PLCB4: variants seen among roughly 807,000 people sequenced by gnomAD.
PLCB4 encodes 1-phosphatidylinositol 4,5-bisphosphate phosphodiesterase beta-4.
Under a neutral mutation model 178.8 loss-of-function variants are expected in PLCB4, and 77 were observed. The observed-to-expected ratio is 0.43, with a 90% CI of 0.36 to 0.52. The LOEUF is 0.52. PLCB4 is among the 20% of genes least tolerant of loss of function. PLCB4 has a pLI of 0.00. For missense variants in PLCB4, 1,024 were observed against 1,453.4 expected (o/e 0.70, Z 4.80); for synonymous variants, 496 against 490.8 (o/e 1.01, Z -0.14).
At chr20:9,424,800 G>T (rs1309283676) in intron 28 of PLCB4, among the ~76,000 whole-genome samples, 1 of 152,146 alleles carries the variant, frequency 6.6e-6, no homozygotes, top group African/African-American at 2.4e-5. Context: ...ATGGGGGTGG[G>T]CGGGGTGTCT....
rs552465661 is a variant in PLCB4 at position 9,477,762 on chromosome 20, C to T, written c.3532+1009C>T. 4.6e-5 allele frequency among the ~76,000 whole-genome samples: 7 copies of T among 152,158 alleles called. 1 individual carries two copies. The highest frequency in any genetic ancestry group is 2.1e-4 in the South Asian group (1 of 4,812). ...CCATCCTCACCAAAATGAAGCTTAACGCCAAAATATAGAAGTAAGAAGAAG... is the reference window on the plus strand; with the variant it reads ...CCATCCTCACCAAAATGAAGCTTAATGCCAAAATATAGAAGTAAGAAGAAG... On this transcript the variant is annotated intron_variant, in intron 39 of 39. Transcript: ENST00000378473.
At chr20:9,260,862 C>G (rs961352301) in intron 3 of PLCB4, among the ~76,000 whole-genome samples, 1 of 151,864 alleles carries the variant, frequency 6.6e-6, no homozygotes, top group Non-Finnish European at 1.5e-5. Context: ...TGTTCTAGCC[C>G]CGGAGACTAT....
At chr20:9,250,009 C>CA (rs2094163843) in intron 3 of PLCB4, among the ~76,000 whole-genome samples, 1 of 152,170 alleles carries the variant, frequency 6.6e-6, no homozygotes, top group Non-Finnish European at 1.5e-5. Flanking sequence ...CAGAAATTGA[C>CA]AGACTATTAT....
intron 3 of PLCB4, among the ~76,000 whole-genome samples, chr20:9,285,820 G>A (rs1363575387): frequency 4.6e-5 from 7 of 152,032 alleles, no homozygotes; most frequent in Admixed American, 1.3e-4. Flanking sequence ...AGCCAGACCA[G>A]GGTCAAGGCC....
chr20:9,308,266 T>C (rs1377340638), intron 4 of PLCB4, among the ~76,000 whole-genome samples: 1 of 152,232 alleles, frequency 6.6e-6, no homozygotes, highest in Non-Finnish European at 1.5e-5. Flanking sequence ...TTTGTATGTG[T>C]TATAAATGTA....
rs528637538 is a variant in PLCB4, at chr20:9,380,106, A to G, written c.797A>G (p.Lys266Arg). 4 of 1,600,310 alleles carry G rather than the reference A, an allele frequency of 2.5e-6. No individual in the cohort carries two copies. The East Asian group carries it at 6.7e-5, about 27-fold the overall frequency. Residue 266 changes from lysine (K) to arginine (R), a missense_variant, in exon 13 of 40, where the codon AAA becomes AGA. Lys to Arg is a conservative substitution (Grantham distance 26, BLOSUM62 2). This residue lies in a region of PLCB4 where 37 missense variants were observed against 28.6 expected (regional missense o/e 1.30). Transcript: ENST00000378473. ...NEILFPFYDA[K>R]RAMQIIEMYE... ...ATTTTATTTCCATTTTATGATGCCA[A>G]AAGGGCAATGCAGATCATTGAGATG...
intron 2 of PLCB4, among the ~76,000 whole-genome samples, chr20:9,115,645 T>C (rs2091755205): frequency 6.9e-6 from 1 of 145,140 alleles, no homozygotes; most frequent in African/African-American, 2.5e-5. Flanking sequence ...GTTCTCATTG[T>C]TCAATTCCCT....
At chr20:9,123,404 C>G (rs76555928) in intron 2 of PLCB4, among the ~76,000 whole-genome samples, 1 of 136,522 alleles carries the variant, frequency 7.3e-6, no homozygotes, top group African/African-American at 2.7e-5. Flanking sequence ...TTTTAAGAAA[C>G]TCCTGGAAAT....
chr20:9,088,182 T>TC (rs1351972138), intron 1 of PLCB4, among the ~76,000 whole-genome samples: 3 of 35,206 alleles, frequency 8.5e-5, no homozygotes, highest in East Asian at 9.0e-4. Context: ...TCTTTTCTTT[T>TC]TTTTTTTTTT....
At chr20:9,396,457 G>C (rs6039456) in intron 19 of PLCB4, among the ~76,000 whole-genome samples, 3,314 of 152,270 alleles carry the variant, frequency 0.022, 120 homozygotes, top group African/African-American at 0.076. Flanking sequence ...AGGCAGTCTT[G>C]CTTAAAATAT....
intron 17 of PLCB4, among the ~76,000 whole-genome samples, chr20:9,391,596 C>T (rs569262673): frequency 6.6e-6 from 1 of 152,258 alleles, no homozygotes; most frequent in East Asian, 1.9e-4. Context: ...TATCCTTTGT[C>T]CCCCTTCCTT....
In PLCB4 at chr20:9,393,683, G is replaced by A; in HGVS notation, c.1414+5G>A. The A allele has an allele frequency of 6.4e-7, 1 of 1,551,342 alleles. No homozygotes were observed. The highest frequency in any genetic ancestry group is 8.9e-7 in the Non-Finnish European group (1 of 1,122,980). On this transcript the variant is annotated splice_donor_5th_base_variant and intron_variant, in intron 18 of 39. Coordinates refer to ENST00000378473, the MANE Select transcript of PLCB4 (RefSeq NM_001377142.1). ...TGAAACCTGAAGTTGAAAAAAGTAA[G>A]TGAAACACACACATTTATAATGGAA...
intron 3 of PLCB4, among the ~76,000 whole-genome samples, chr20:9,298,008 C>T (rs148418576): frequency 2.0e-5 from 3 of 152,108 alleles, no homozygotes; most frequent in Admixed American, 6.6e-5. Flanking sequence ...AAACATGGCA[C>T]CTTGACATAC....
chr20:9,432,185 G>A (rs1182389050), intron 28 of PLCB4, among the ~76,000 whole-genome samples: 1 of 152,172 alleles, frequency 6.6e-6, no homozygotes, highest in Non-Finnish European at 1.5e-5. Flanking sequence ...TGGAAAATAT[G>A]TATTCATGTG....
intron 2 of PLCB4, among the ~76,000 whole-genome samples, chr20:9,204,628 G>A (rs1023563357): frequency 1.3e-5 from 2 of 152,068 alleles, no homozygotes; most frequent in South Asian, 4.1e-4. Context: ...CTCCCAAAGT[G>A]CTGGGATTAC....
chr20:9,110,404 C>T (rs1200487583), intron 2 of PLCB4, among the ~76,000 whole-genome samples: 1 of 152,060 alleles, frequency 6.6e-6, no homozygotes, highest in Admixed American at 6.6e-5. Flanking sequence ...TATCATTTCT[C>T]CTCTATTTAC....
At chr20:9,199,344 A>G (rs112376427) in intron 2 of PLCB4, among the ~76,000 whole-genome samples, 11 of 152,314 alleles carry the variant, frequency 7.2e-5, no homozygotes, top group African/African-American at 2.4e-4. Context: ...AGTGGTGGAA[A>G]GTTTCATTTA....
chr20:9,095,851 A>G (rs6077489), intron 1 of PLCB4, among the ~76,000 whole-genome samples: 133,401 of 152,216 alleles, frequency 0.88, 58,908 homozygotes, highest in East Asian at 1. Flanking sequence ...TCTGCTACCT[A>G]CACAGCCCAT....
At chr20:9,147,338 A>G (rs1431084143) in intron 2 of PLCB4, among the ~76,000 whole-genome samples, 3 of 152,176 alleles carry the variant, frequency 2.0e-5, no homozygotes, top group African/African-American at 7.2e-5. Context: ...AGTCTGGCTA[A>G]GGACTAGTAT....
Sources: allele counts gnomAD v4.1 joint callset (sites outside exome capture counted in the v4.1 genomes callset), GRCh38; gene constraint gnomAD v4.1.1; regional missense constraint gnomAD v4.1.1; transcripts MANE v1.5; gene names NCBI Gene and HGNC (gene_info 2026-07-23, HGNC 2026-07-21).